Variants in ALDH7A1 observed in about 807,000 individuals in gnomAD.
ALDH7A1 encodes aldehyde dehydrogenase 7 family member A1, also known as alpha-aminoadipic semialdehyde dehydrogenase.
ALDH7A1 carries 63 observed loss-of-function variants against 79.9 expected under a neutral mutation model. That is an observed-to-expected ratio of 0.79 (90% CI 0.64 to 0.97). The LOEUF (loss-of-function observed/expected upper bound fraction) is 0.97. ALDH7A1 is among the 50% of genes least tolerant of loss of function. The probability of loss-of-function intolerance (pLI) is 0.00; values close to 1 mark genes in which losing one functional copy is unlikely to be tolerated. For synonymous variants in ALDH7A1, 240 were observed against 231.2 expected, an observed-to-expected ratio of 1.04 and a Z score of -0.34; for missense variants, 627 against 665.2, an observed-to-expected ratio of 0.94 and a Z score of 0.63.
Position 126,552,765 on chromosome 5 carries a change from T to G in ALDH7A1, c.1201-628A>C, listed in dbSNP as rs116732193. On this transcript the variant is annotated intron_variant, in intron 13 of 17. Transcript: ENST00000409134. ...TTTTTTTTTATTATTTGGTTTTTTG[T>G]TTTTGATTTGGTCTTGCTTTGTTGT... 7.1e-3 allele frequency among the ~76,000 whole-genome samples: 1,074 copies of G among 152,006 alleles called. 17 individuals are homozygous for G. Among genetic ancestry groups the G allele is most frequent in the African/African-American group, 0.025 (1,036 of 41,450 alleles).
chr5:126,579,509 A>C (rs1751098001), intron 5 of ALDH7A1, among the ~76,000 whole-genome samples: 2 of 152,198 alleles, frequency 1.3e-5, no homozygotes, highest in South Asian at 4.1e-4. Context: ...TAAGCTTATA[A>C]ATCCCTTGAG....
chr5:126,564,200 A>C (rs1240138007), intron 9 of ALDH7A1, among the ~76,000 whole-genome samples: 2 of 152,180 alleles, frequency 1.3e-5, no homozygotes, highest in African/African-American at 4.8e-5. Flanking sequence ...CTCTGTTGCC[A>C]GGCTGGAATG....
At chr5:126,568,088 TC>T in intron 9 of ALDH7A1, 170 bp downstream of exon 9, 1 of 638,586 alleles carries the variant, frequency 1.6e-6, no homozygotes, top group Non-Finnish European at 2.7e-6. Flanking sequence ...ATTTAGGACT[TC>T]CCTAATATTC....
In ALDH7A1 at chr5:126,541,879, T is replaced by C. The variant is rs1289564552; in HGVS notation, c.*3086A>G. The C allele has an allele frequency of 1.3e-5, 2 of 151,808 alleles. No homozygotes were observed. Among genetic ancestry groups the C allele is most frequent in the African/African-American group, 4.8e-5 (2 of 41,306 alleles). 9.4% of individuals were successfully genotyped at this position (151,808 alleles called of 1,614,324 possible). ...ATTATTTTTATTTTTAAAAGGGAAA[T>C]TAACGTAGACAAATCGTAACATGTA... On this transcript the variant is annotated 3_prime_UTR_variant, in exon 18 of 18. Transcript: ENST00000409134.
At chr5:126,594,984 A>G in intron 1 of ALDH7A1, 23 bp downstream of exon 1, 1 of 1,574,298 alleles carries the variant, frequency 6.4e-7, no homozygotes, top group Non-Finnish European at 8.6e-7. Flanking sequence ...GCGGCTGCAG[A>G]GATTTCTTGA....
At chr5:126,583,124 A>G (rs1751230374) in intron 4 of ALDH7A1, 150 bp from the exon 5 acceptor site, 8 of 987,296 alleles carry the variant, frequency 8.1e-6, no homozygotes, top group African/African-American at 3.3e-5. Context: ...AAAACACAAC[A>G]ATTGCCTTCA....
At chr5:126,587,773 A>T (rs1056004836) in intron 3 of ALDH7A1, 1 of 152,120 alleles carries the variant, frequency 6.6e-6, no homozygotes, top group African/African-American at 2.4e-5. Flanking sequence ...TCGAGATGGG[A>T]AAGCTTCTGT....
intron 14 of ALDH7A1, 92 bp downstream of exon 14, chr5:126,551,929 C>T (rs569800542): frequency 5.8e-6 from 6 of 1,029,404 alleles, no homozygotes; most frequent in Non-Finnish European, 7.6e-6. Context: ...CTAAAACCCT[C>T]TTAAAGGTTC....
At chr5:126,567,900 C>T (rs1272236351) in intron 9 of ALDH7A1, 2 of 306,724 alleles carry the variant, frequency 6.5e-6, no homozygotes, top group Non-Finnish European at 1.3e-5. Context: ...TCTCTTGCCT[C>T]AGCCTCCCGA....
At chr5:126,579,152 C>T (rs1022775360) in intron 5 of ALDH7A1, among the ~76,000 whole-genome samples, 2 of 152,210 alleles carry the variant, frequency 1.3e-5, no homozygotes, top group African/African-American at 4.8e-5. Context: ...AATCTCTTCC[C>T]GAGGTTCTCT....
intron 1 of ALDH7A1, among the ~76,000 whole-genome samples, chr5:126,594,786 A>C (rs192866558): frequency 2.3e-4 from 35 of 152,204 alleles, no homozygotes; most frequent in African/African-American, 7.9e-4. Context: ...TTTAGCCCCT[A>C]CAGCTCCAAA....
intron 7 of ALDH7A1, 38 bp downstream of exon 7, chr5:126,575,382 A>G: frequency 2.5e-6 from 4 of 1,603,360 alleles, no homozygotes; most frequent in Non-Finnish European, 3.4e-6. Flanking sequence ...TTTCAATATT[A>G]TTCCATACCC....
chr5:126,582,160 T>TA, intron 5 of ALDH7A1: 1 of 398,556 alleles, frequency 2.5e-6, no homozygotes. Flanking sequence ...CTACAAAATA[T>TA]AAAAAAGACA....
intron 6 of ALDH7A1, among the ~76,000 whole-genome samples, chr5:126,576,296 CAG>C (rs1374660372): frequency 2.0e-5 from 3 of 148,958 alleles, no homozygotes; most frequent in Non-Finnish European, 4.4e-5. Flanking sequence ...TGTGGACAAG[CAG>C]AGTTTTTTCT....
intron 8 of ALDH7A1, 111 bp downstream of exon 8, chr5:126,570,671 A>G (rs1426864225): frequency 2.8e-6 from 3 of 1,068,520 alleles, no homozygotes; most frequent in Non-Finnish European, 4.4e-6. Flanking sequence ...TGATTTCAAA[A>G]ACCATTCTCA....
chr5:126,582,922 T>C lies in ALDH7A1; in HGVS notation c.446A>G (p.Glu149Gly). 6.2e-7 allele frequency: 1 copy of C among 1,613,836 alleles called. No homozygotes were observed. Among genetic ancestry groups the C allele is most frequent in the Non-Finnish European group, 8.5e-7 (1 of 1,179,950 alleles). Residue 149 changes from glutamate to glycine, a missense_variant, in exon 5 of 18, where the codon GAG (glutamate) becomes GGG (glycine). Glu to Gly is a moderately conservative substitution (Grantham distance 98). Coordinates refer to ENST00000409134, the MANE Select transcript of ALDH7A1 (RefSeq NM_001182.5). ...AGCATAGTCACAGATATCCACATACTCCTGAACTTCACCCACACCTTCCAC... is the reference window on the plus strand; with the variant it reads ...AGCATAGTCACAGATATCCACATACCCCTGAACTTCACCCACACCTTCCAC... ...ILVEGVGEVQ[E>G]YVDICDYAVG...
At chr5:126,578,011 G>A (rs770343669) in intron 5 of ALDH7A1, among the ~76,000 whole-genome samples, 2 of 150,682 alleles carry the variant, frequency 1.3e-5, no homozygotes, top group African/African-American at 2.4e-5. Flanking sequence ...CAGGCCGGGC[G>A]TGGTGGCTCA....
At chr5:126,546,688 G>A (rs1749798178) in intron 16 of ALDH7A1, among the ~76,000 whole-genome samples, 1 of 151,676 alleles carries the variant, frequency 6.6e-6, no homozygotes, top group Non-Finnish European at 1.5e-5. Flanking sequence ...GGGCGTGGTG[G>A]TGCATGCCTG....
At chr5:126,570,276 A>G (rs1403319429) in intron 8 of ALDH7A1, 3 of 187,202 alleles carry the variant, frequency 1.6e-5, no homozygotes, top group Middle Eastern at 2.6e-3. Flanking sequence ...TGTACACTTT[A>G]AAAGAGAGCA....
Sources: gnomAD v4.1 joint callset for allele counts (sites outside exome capture counted in the v4.1 genomes callset) on GRCh38, gnomAD v4.1.1 for gene constraint, MANE v1.5 for transcripts, NCBI Gene and HGNC (gene_info 2026-07-23, HGNC 2026-07-21) for gene names.